UBIAD1: variants seen among roughly 807,000 people sequenced by gnomAD.
UBIAD1 encodes the protein ubiA prenyltransferase domain-containing protein 1.
UBIAD1 carries 12 observed loss-of-function variants against 20.1 expected under a neutral mutation model. The ratio of observed to expected loss-of-function variants is 0.60; its 90% CI spans 0.38 to 0.97. The LOEUF (loss-of-function observed/expected upper bound fraction) is 0.97, where lower values mean the gene tolerates loss of function less well. Among genes scored for constraint, UBIAD1 ranks in the 50% least tolerant of loss-of-function variants. The pLI, the probability that UBIAD1 is intolerant of heterozygous loss-of-function variation, is 0.00. For missense variants in UBIAD1, 333 were observed against 419.5 expected, an observed-to-expected ratio of 0.79 and a Z score of 1.80; for synonymous variants, 207 against 189.2, an observed-to-expected ratio of 1.09 and a Z score of -0.77.
chr1:11,296,679 C>T (rs12140224), downstream of UBIAD1, among the ~76,000 whole-genome samples: 10,158 of 152,040 alleles, frequency 0.067, 467 homozygotes, highest in South Asian at 0.14. Flanking sequence ...ACCACCATGC[C>T]CAGCTAATTT....
chr1:11,298,470 G>A (rs1405140725), downstream of UBIAD1, among the ~76,000 whole-genome samples: 1 of 152,026 alleles, frequency 6.6e-6, no homozygotes. This position sits in a 1 kb window ranked among gnomAD's most constrained non-coding sequence, Gnocchi z 4.0. Context: ...CGGAGGCTGA[G>A]GCAGGAGAAT....
chr1:11,282,485 T>C (rs1249698384), intron 1 of UBIAD1, among the ~76,000 whole-genome samples: 1 of 152,120 alleles, frequency 6.6e-6, no homozygotes, highest in African/African-American at 2.4e-5. Context: ...ACCAGATCTT[T>C]TTCCTCCCCA....
Position 11,286,069 on chromosome 1 carries a change from C to A in UBIAD1, c.955C>A (p.Leu319Met). 1.2e-6 allele frequency: 2 copies of A among 1,614,208 alleles called. No homozygotes were observed. Among genetic ancestry groups the A allele is most frequent in the Non-Finnish European group, 1.7e-6 (2 of 1,180,034 alleles). Residue 319 changes from leucine to methionine, a missense_variant, in exon 2 of 2, where the codon CTG becomes ATG. Physicochemically the swap from Leu to Met is conservative, Grantham distance 15. This residue lies in a region of UBIAD1 where 226 missense variants were observed against 263.5 expected (regional missense o/e 0.86). Transcript: ENST00000376810. ...GAGGACTGCCAAGCTCAACCTCCTGCTGGGACTTTTCTATGTCTTTGGCAT... is the reference window on the plus strand; with the variant it reads ...GAGGACTGCCAAGCTCAACCTCCTGATGGGACTTTTCTATGTCTTTGGCAT... ...PQRTAKLNLL[L>M]GLFYVFGIIL...
chr1:11,280,327 A>G (rs1240995181), intron 1 of UBIAD1, among the ~76,000 whole-genome samples: 2 of 152,128 alleles, frequency 1.3e-5, no homozygotes, highest in African/African-American at 4.8e-5. Context: ...GGTCTCTGTC[A>G]TGGCGATCTT....
chr1:11,282,766 C>T (rs774539714), intron 1 of UBIAD1, among the ~76,000 whole-genome samples: 13 of 150,596 alleles, frequency 8.6e-5, no homozygotes, highest in African/African-American at 2.7e-4. Context: ...GGGGTTTCTC[C>T]GTGTTGGTCA....
downstream of UBIAD1, among the ~76,000 whole-genome samples, chr1:11,298,609 A>AAATAAAT (rs1557525995): frequency 6.7e-4 from 87 of 129,566 alleles, no homozygotes; most frequent in Middle Eastern, 3.7e-3. The surrounding 1 kb of genome is among the most constrained non-coding windows in gnomAD (Gnocchi z 4.0). Context: ...AATAAATAAA[A>AAATAAAT]GTTTCCCATG....
intron 1 of UBIAD1, chr1:11,294,798 G>C: frequency 1.4e-6 from 1 of 717,368 alleles, no homozygotes; most frequent in South Asian, 1.5e-5. Context: ...TGATGGAGGC[G>C]AAGGTTCAGT....
At chr1:11,283,073 G>C (rs761013295) in intron 1 of UBIAD1, among the ~76,000 whole-genome samples, 6 of 151,946 alleles carry the variant, frequency 3.9e-5, no homozygotes, top group Non-Finnish European at 8.8e-5. Flanking sequence ...TGTTGGTCAG[G>C]CTGGTCTCGA....
intron 1 of UBIAD1, among the ~76,000 whole-genome samples, chr1:11,277,647 T>G (rs1342690766): frequency 6.6e-6 from 1 of 152,132 alleles, no homozygotes; most frequent in Non-Finnish European, 1.5e-5. Flanking sequence ...GCATGCCATT[T>G]CTGTTTTCTT....
intron 1 of UBIAD1, among the ~76,000 whole-genome samples, chr1:11,294,047 C>T (rs1380552015): frequency 6.6e-6 from 1 of 152,168 alleles, no homozygotes; most frequent in Non-Finnish European, 1.5e-5. Context: ...AATAAATAAA[C>T]GTTGGATGAC....
downstream of UBIAD1, among the ~76,000 whole-genome samples, chr1:11,296,552 T>C (rs1638451499): frequency 6.6e-6 from 1 of 152,132 alleles, no homozygotes; most frequent in South Asian, 2.1e-4. Flanking sequence ...AGGATCTCAC[T>C]CTGTAGCCCA....
chr1:11,294,324 T>A (rs139138048), intron 1 of UBIAD1, among the ~76,000 whole-genome samples: 1 of 152,106 alleles, frequency 6.6e-6, no homozygotes, highest in Non-Finnish European at 1.5e-5. Context: ...TATTTTTAAT[T>A]AAAAAATTGA....
chr1:11,299,031 C>T (rs1384417585), downstream of UBIAD1, among the ~76,000 whole-genome samples: 1 of 152,212 alleles, frequency 6.6e-6, no homozygotes, highest in South Asian at 2.1e-4. Flanking sequence ...GGGCAGAGCA[C>T]GGTGTAATCC....
chr1:11,279,311 C>T (rs1467573300), intron 1 of UBIAD1: 2 of 216,402 alleles, frequency 9.2e-6, no homozygotes, highest in South Asian at 1.7e-4. Context: ...AAGGTTTTGA[C>T]CTGAGAACTG....
intron 1 of UBIAD1, among the ~76,000 whole-genome samples, chr1:11,277,483 G>A (rs1209086536): frequency 6.6e-6 from 1 of 151,950 alleles, no homozygotes; most frequent in East Asian, 2.0e-4. Context: ...TGTTGGCCAG[G>A]CTGGTCTCTC....
chr1:11,294,972 G>C (rs977870910), exon 2 of UBIAD1: 2 of 717,196 alleles, frequency 2.8e-6, no homozygotes, highest in African/African-American at 3.5e-5. Context: ...CCTGCCTCCT[G>C]AGAATGGGGC....
chr1:11,275,743 A>C (rs1351422833), intron 1 of UBIAD1, among the ~76,000 whole-genome samples: 1 of 152,104 alleles, frequency 6.6e-6, no homozygotes, highest in Admixed American at 6.6e-5. Flanking sequence ...ACCATGCCTC[A>C]GAAAGGTAGT....
At chr1:11,277,381 G>A (rs970908192) in intron 1 of UBIAD1, among the ~76,000 whole-genome samples, 2 of 146,476 alleles carry the variant, frequency 1.4e-5, no homozygotes, top group Admixed American at 7.0e-5. Flanking sequence ...CACAATCTCC[G>A]CCTCCCAGGT....
At chr1:11,283,009 C>G (rs1337401729) in intron 1 of UBIAD1, among the ~76,000 whole-genome samples, 1 of 151,682 alleles carries the variant, frequency 6.6e-6, no homozygotes, top group East Asian at 1.9e-4. Context: ...TACAGACATG[C>G]GCCACTACAC....
Sources: gnomAD v4.1 joint callset for allele counts (sites outside exome capture counted in the v4.1 genomes callset) on GRCh38, gnomAD v4.1.1 for gene constraint, gnomAD v4.1.1 regional missense constraint, Gnocchi (gnomAD v3.1) non-coding constraint, MANE v1.5 for transcripts, NCBI Gene and HGNC (gene_info 2026-07-23, HGNC 2026-07-21) for gene names.